The following GADL1 variants were observed in gnomAD, a reference collection of about 807,000 sequenced individuals.
GADL1 encodes acidic amino acid decarboxylase GADL1.
GADL1 carries 71 observed loss-of-function variants against 69.5 expected under a neutral mutation model. That is an observed-to-expected ratio of 1.02 (90% CI 0.84 to 1.25). The LOEUF is 1.25. GADL1 is among the 50% of genes most tolerant of loss of function. The pLI, the probability that GADL1 is intolerant of heterozygous loss-of-function variation, is 0.00. For synonymous variants in GADL1, 254 were observed against 214.4 expected (o/e 1.18, Z -1.62); for missense variants, 737 against 631.8 (o/e 1.17, Z -1.79).
At chr3:30,819,952 G>T (rs1697542890) in intron 11 of GADL1, among the ~76,000 whole-genome samples, 1 of 151,916 alleles carries the variant, frequency 6.6e-6, no homozygotes, top group Admixed American at 6.6e-5. Context: ...TTCTGAGCAA[G>T]AGTTTTATAA....
At chr3:30,773,112 C>T (rs1696454295) in intron 14 of GADL1, among the ~76,000 whole-genome samples, 1 of 152,242 alleles carries the variant, frequency 6.6e-6, no homozygotes, top group Admixed American at 6.5e-5. Flanking sequence ...ATTGTATAAT[C>T]ATGATCCTTA....
intron 14 of GADL1, among the ~76,000 whole-genome samples, chr3:30,773,515 C>T (rs976372047): frequency 2.0e-5 from 3 of 152,120 alleles, no homozygotes; most frequent in African/African-American, 4.8e-5. Flanking sequence ...CTCTTATGCA[C>T]CCTTAAAACA....
chr3:30,761,327 TTGG>T (rs1425920589), intron 14 of GADL1, among the ~76,000 whole-genome samples: 31 of 152,150 alleles, frequency 2.0e-4, no homozygotes, highest in African/African-American at 7.5e-4. Context: ...TGACTCAATA[TTGG>T]TGAATTCTAG....
intron 14 of GADL1, among the ~76,000 whole-genome samples, chr3:30,739,265 G>A (rs563688427): frequency 1.3e-5 from 2 of 152,216 alleles, no homozygotes; most frequent in Non-Finnish European, 2.9e-5. Flanking sequence ...GTTCTATACA[G>A]GCTGCCGAGA....
intron 14 of GADL1, among the ~76,000 whole-genome samples, chr3:30,744,702 G>A (rs1695674242): frequency 6.6e-6 from 1 of 152,072 alleles, no homozygotes; most frequent in East Asian, 1.9e-4. Flanking sequence ...CAATAGAGTG[G>A]CACACTGTCT....
intron 8 of GADL1, among the ~76,000 whole-genome samples, chr3:30,842,948 GT>G (rs1468809205): frequency 6.7e-6 from 1 of 148,658 alleles, no homozygotes; most frequent in Non-Finnish European, 1.5e-5. Flanking sequence ...GGACTAGGTA[GT>G]TTTTATGAAA....
intron 1 of GADL1, among the ~76,000 whole-genome samples, chr3:30,892,432 T>C (rs962382751): frequency 5.4e-4 from 82 of 152,260 alleles, no homozygotes; most frequent in African/African-American, 2.0e-3. Context: ...GCATTTGGCA[T>C]AATTAGGTGT....
chr3:30,758,533 G>A (rs1445155274), intron 14 of GADL1, among the ~76,000 whole-genome samples: 14 of 152,094 alleles, frequency 9.2e-5, no homozygotes, highest in Admixed American at 7.2e-4. Flanking sequence ...ACCTCATAGA[G>A]GGTGGTTGAG....
intron 1 of GADL1, among the ~76,000 whole-genome samples, chr3:30,878,539 T>TA (rs1209922113): frequency 3.3e-5 from 5 of 151,970 alleles, no homozygotes; most frequent in African/African-American, 1.2e-4. Flanking sequence ...ATATGACTGA[T>TA]AGACATTTGA....
At chr3:30,892,932 C>T (rs1698803489) in intron 1 of GADL1, among the ~76,000 whole-genome samples, 1 of 152,252 alleles carries the variant, frequency 6.6e-6, no homozygotes, top group Non-Finnish European at 1.5e-5. Flanking sequence ...TCTTGGCTCA[C>T]TGCAGGCTCC....
intron 1 of GADL1, among the ~76,000 whole-genome samples, chr3:30,890,217 A>T (rs1268205064): frequency 9.2e-5 from 14 of 152,202 alleles, no homozygotes; most frequent in Admixed American, 9.2e-4. Context: ...AGATTTCGGG[A>T]ATCATGCATT....
chr3:30,890,355 GT>G (rs1470506600), intron 1 of GADL1, among the ~76,000 whole-genome samples: 1 of 152,148 alleles, frequency 6.6e-6, no homozygotes, highest in East Asian at 1.9e-4. Flanking sequence ...AGACAGATGT[GT>G]TCCATACCCT....
intron 14 of GADL1, among the ~76,000 whole-genome samples, chr3:30,767,700 A>G (rs1054523579): frequency 6.6e-6 from 1 of 152,214 alleles, no homozygotes; most frequent in African/African-American, 2.4e-5. Context: ...GCAGTGGAAT[A>G]AATTATGAAG....
intron 11 of GADL1, among the ~76,000 whole-genome samples, chr3:30,815,735 C>T (rs551295123): frequency 6.6e-6 from 1 of 152,148 alleles, no homozygotes; most frequent in African/African-American, 2.4e-5. Context: ...ATTAAACAAT[C>T]AGGTTTTATC....
At chr3:30,765,248 C>A (rs900661813) in intron 14 of GADL1, among the ~76,000 whole-genome samples, 1 of 152,106 alleles carries the variant, frequency 6.6e-6, no homozygotes, top group Non-Finnish European at 1.5e-5. Flanking sequence ...GAAGTGGTGG[C>A]TCTCGGCTCT....
chr3:30,881,315 A>G (rs1698638178), intron 1 of GADL1, among the ~76,000 whole-genome samples: 1 of 151,992 alleles, frequency 6.6e-6, no homozygotes, highest in Non-Finnish European at 1.5e-5. Context: ...AAAAATTAGA[A>G]CAATGTGAAA....
intron 1 of GADL1, among the ~76,000 whole-genome samples, chr3:30,875,115 A>AGC (rs1212799028): frequency 1.3e-5 from 2 of 151,746 alleles, no homozygotes; most frequent in African/African-American, 4.8e-5. Flanking sequence ...CAAAAGCTAC[A>AGC]GCACCTCTTG....
chr3:30,729,787 C>CT (rs886560743), intron 14 of GADL1, among the ~76,000 whole-genome samples: 2 of 152,104 alleles, frequency 1.3e-5, no homozygotes, highest in African/African-American at 2.4e-5. Flanking sequence ...TAACTCAACA[C>CT]TTTTTTTTCC....
chr3:30,861,001 G>C (rs1698311970), intron 2 of GADL1, among the ~76,000 whole-genome samples: 1 of 151,914 alleles, frequency 6.6e-6, no homozygotes. Context: ...CTTAAGAGTA[G>C]ATGTCATTAG....
Sources: allele counts gnomAD v4.1 joint callset (sites outside exome capture counted in the v4.1 genomes callset), GRCh38; gene constraint gnomAD v4.1.1; transcripts MANE v1.5; gene names NCBI Gene and HGNC (gene_info 2026-07-23, HGNC 2026-07-21).